The following MTCL1 variants were observed in gnomAD, a reference collection of about 807,000 sequenced individuals.
MTCL1 encodes the protein microtubule crosslinking factor 1.
A neutral mutation model predicts 141.4 loss-of-function variants in MTCL1; 79 were observed. The ratio of observed to expected loss-of-function variants is 0.56; its 90% CI spans 0.47 to 0.67. The LOEUF is 0.67. MTCL1 is among the 30% of genes least tolerant of loss of function. The probability of loss-of-function intolerance (pLI) is 0.00; values close to 1 mark genes in which losing one functional copy is unlikely to be tolerated. For missense variants in MTCL1, 2,177 were observed against 2,113.9 expected, an observed-to-expected ratio of 1.03 and a Z score of -0.59; for synonymous variants, 914 against 875.8, an observed-to-expected ratio of 1.04 and a Z score of -0.77.
chr18:8,825,186 A>C, exon 15 of MTCL1: 2 of 1,581,902 alleles, frequency 1.3e-6, no homozygotes, highest in Non-Finnish European at 1.7e-6. Flanking sequence ...CCCGGGAGAC[A>C]CCAAGGGAGG....
chr18:8,715,120 A>G (rs2096120826), upstream of MTCL1, among the ~76,000 whole-genome samples: 1 of 152,152 alleles, frequency 6.6e-6, no homozygotes. Context: ...CAGTACAACT[A>G]ATGTTGGTGA....
chr18:8,805,232 T>C (rs1052673845), intron 10 of MTCL1, among the ~76,000 whole-genome samples: 2 of 152,012 alleles, frequency 1.3e-5, no homozygotes, highest in African/African-American at 2.4e-5. Context: ...TAGTACCCAA[T>C]AGGTAATTTT....
exon 15 of MTCL1, chr18:8,825,861 G>T: frequency 6.2e-7 from 1 of 1,614,156 alleles, no homozygotes; most frequent in South Asian, 1.1e-5. Context: ...CAACATCATT[G>T]ACCACAGCCC....
At position 8,726,537 on chromosome 18, in the gene MTCL1, ATGCGC is replaced by A. The variant is rs1567945443; in HGVS notation, c.357+6042_357+6046del. Among the ~76,000 whole-genome samples the A allele has an allele frequency of 3.6e-3, 336 of 94,356 alleles. 1 individual carries two copies. Among genetic ancestry groups the A allele is most frequent in the African/African-American group, 7.4e-3 (145 of 19,646 alleles). The allele number at this position is 94,356 out of a possible 152,430, so 61.9% of individuals were successfully genotyped here. On this transcript the variant is annotated intron_variant, in intron 4 of 16. Coordinates refer to ENST00000359865, the Ensembl canonical transcript of MTCL1. ...AGCGAGCGAGAGAGAGCGAGTGCGCATGCGCGCGCGCAACAAGCAATGTTCTGGTG... is the reference window on the plus strand; with the variant it reads ...AGCGAGCGAGAGAGAGCGAGTGCGCAGCGCGCAACAAGCAATGTTCTGGTG...
chr18:8,736,201 C>T (rs1351320771), intron 4 of MTCL1, among the ~76,000 whole-genome samples: 1 of 152,106 alleles, frequency 6.6e-6, no homozygotes. Context: ...TGATGACATG[C>T]CATAGATCAT....
chr18:8,777,943 C>G (rs768573935), intron 5 of MTCL1, 51 bp downstream of exon 4: 4 of 1,540,006 alleles, frequency 2.6e-6, no homozygotes, highest in Admixed American at 1.7e-5. Flanking sequence ...GTGAAGTCAA[C>G]TCATTTTGAA....
chr18:8,821,472 A>G, exon 14 of MTCL1: 1 of 1,441,570 alleles, frequency 6.9e-7, no homozygotes, highest in Non-Finnish European at 9.7e-7. Context: ...TATAGGAAGA[A>G]GAAAATCACA....
At position 8,810,606 on chromosome 18, in the gene MTCL1, G is replaced by A. The variant is rs1456523281; in HGVS notation, c.2605-2373G>A. On this transcript the variant is annotated intron_variant, in intron 11 of 16. Transcript: ENST00000359865. The surrounding 1 kb of genome is among the most constrained non-coding windows in gnomAD (Gnocchi z 5.0). ...TCTACAGGTGAACAGACGTACGTGC[G>A]AGGGGCTCAGCAGCCTGTCTTTCAT... Among the ~76,000 whole-genome samples, 2 of 152,190 alleles carry A rather than the reference G, an allele frequency of 1.3e-5. No homozygotes were observed. Among genetic ancestry groups the A allele is most frequent in the African/African-American group, 4.8e-5 (2 of 41,442 alleles).
At chr18:8,706,012 A>C in exon 1 of MTCL1, 5 of 1,160,744 alleles carry the variant, frequency 4.3e-6, no homozygotes, top group Non-Finnish European at 2.1e-6. Flanking sequence ...CGCCGGGGCC[A>C]GAGCGGCGGG....
intron 4 of MTCL1, among the ~76,000 whole-genome samples, chr18:8,764,469 C>G (rs752576960): frequency 1.3e-5 from 2 of 151,992 alleles, no homozygotes; most frequent in Non-Finnish European, 2.9e-5. Flanking sequence ...AGGTGTGCAC[C>G]ACACACCCGG....
chr18:8,789,935 G>A (rs949083256), intron 7 of MTCL1, among the ~76,000 whole-genome samples: 8 of 152,322 alleles, frequency 5.3e-5, no homozygotes, highest in African/African-American at 1.7e-4. Context: ...TAACATTGGA[G>A]TGACGTTGGC....
upstream of MTCL1, among the ~76,000 whole-genome samples, chr18:8,715,605 A>G (rs774130624): frequency 7.2e-5 from 11 of 152,236 alleles, no homozygotes; most frequent in Non-Finnish European, 1.3e-4. Flanking sequence ...CTCTTTACTC[A>G]GAAACAAGCA....
intron 4 of MTCL1, among the ~76,000 whole-genome samples, chr18:8,722,065 G>A (rs776862320): frequency 5.3e-5 from 8 of 152,200 alleles, no homozygotes; most frequent in Non-Finnish European, 7.3e-5. Flanking sequence ...CCCAGGACTC[G>A]AGGAATTTGT....
At chr18:8,819,706 G>A (rs996226599) in intron 13 of MTCL1, among the ~76,000 whole-genome samples, 3 of 151,910 alleles carry the variant, frequency 2.0e-5, no homozygotes, top group Admixed American at 6.6e-5. Flanking sequence ...AGGCTCAATT[G>A]ATCCTTCCCC....
At chr18:8,825,080 G>C (rs1459805174) in exon 15 of MTCL1, 1 of 1,611,476 alleles carries the variant, frequency 6.2e-7, no homozygotes, top group Admixed American at 1.7e-5. Context: ...AGTCGGGGTT[G>C]CGCGTGTTAC....
At position 8,828,740 on chromosome 18, in the gene MTCL1, T is replaced by A. The variant is rs1384377688; in HGVS notation, c.4723-168T>A. Among the ~76,000 whole-genome samples, 1 of 152,182 alleles carries A rather than the reference T, an allele frequency of 6.6e-6. No homozygotes were observed. Among genetic ancestry groups the A allele is most frequent in the Non-Finnish European group, 1.5e-5 (1 of 68,030 alleles). On this transcript the variant is annotated intron_variant, in intron 15 of 16. Transcript: ENST00000359865. The surrounding 1 kb of genome is among the most constrained non-coding windows in gnomAD (Gnocchi z 5.2). ...TTCCCCACACCTGCCTTGGAGTGAA[T>A]GTGCTAGATCTGAGAGCCCGCAAGT... is the stretch of plus-strand genomic sequence containing the variant.
chr18:8,718,497 T>G (rs758663463), exon 3 of MTCL1: 16 of 1,614,082 alleles, frequency 9.9e-6, no homozygotes, highest in Non-Finnish European at 1.3e-5. Flanking sequence ...GTTTACCAGC[T>G]GCAGGAACTT....
intron 12 of MTCL1, among the ~76,000 whole-genome samples, chr18:8,817,313 C>G (rs1401744811): frequency 1.6e-5 from 2 of 123,682 alleles, no homozygotes; most frequent in Non-Finnish European, 3.2e-5. Context: ...CTGCAAAGAA[C>G]TGTGTCATCA....
chr18:8,783,983 T>C, exon 6 of MTCL1: 4 of 1,613,346 alleles, frequency 2.5e-6, no homozygotes, highest in Non-Finnish European at 3.4e-6. Flanking sequence ...GCTCCGGAGG[T>C]CCATCTCCGA....
Sources: gnomAD v4.1 joint callset for allele counts (sites outside exome capture counted in the v4.1 genomes callset) on GRCh38, gnomAD v4.1.1 for gene constraint, Gnocchi (gnomAD v3.1) non-coding constraint, MANE v1.5 for transcripts, NCBI Gene and HGNC (gene_info 2026-07-23, HGNC 2026-07-21) for gene names.